The following GRIK4 variants were observed in gnomAD, a reference collection of about 807,000 sequenced individuals.
GRIK4 encodes the protein glutamate receptor ionotropic, kainate 4.
In GRIK4, 40 loss-of-function variants were observed where a neutral mutation model predicts 104.9. The observed-to-expected ratio is 0.38, with a 90% CI of 0.30 to 0.50. GRIK4 has a LOEUF of 0.50. Ranked by LOEUF, GRIK4 falls within the 20% of genes least tolerant of loss-of-function variation. GRIK4 has a pLI of 0.93. For missense variants in GRIK4, 1,047 were observed against 1,308.1 expected, an observed-to-expected ratio of 0.80 and a Z score of 3.08; for synonymous variants, 485 against 524.9, an observed-to-expected ratio of 0.92 and a Z score of 1.04.
chr11:120,889,999 A>G (rs970401456), intron 11 of GRIK4, among the ~76,000 whole-genome samples: 10 of 152,126 alleles, frequency 6.6e-5, no homozygotes, highest in African/African-American at 1.9e-4. Context: ...AGCTATTTTT[A>G]TCTTATAGGT....
chr11:120,653,208 T>C (rs1161369802), intron 1 of GRIK4, among the ~76,000 whole-genome samples: 1 of 152,254 alleles, frequency 6.6e-6, no homozygotes, highest in African/African-American at 2.4e-5. Flanking sequence ...ATGGGGCTTG[T>C]ATTCAAAGTA....
intron 19 of GRIK4, among the ~76,000 whole-genome samples, chr11:120,981,270 A>G (rs533376552): frequency 6.6e-6 from 1 of 152,358 alleles, no homozygotes. Context: ...ATCATATCCT[A>G]TAAGTATTTA....
At chr11:120,641,096 T>G (rs1182990976) in intron 1 of GRIK4, among the ~76,000 whole-genome samples, 1 of 152,270 alleles carries the variant, frequency 6.6e-6, no homozygotes, top group African/African-American at 2.4e-5. Flanking sequence ...CATAGCCACT[T>G]TGCCATATCT....
At chr11:120,789,710 A>G (rs1373355699) in intron 3 of GRIK4, among the ~76,000 whole-genome samples, 1 of 151,842 alleles carries the variant, frequency 6.6e-6, no homozygotes, top group African/African-American at 2.4e-5. Flanking sequence ...TTTTCCTCCC[A>G]TCTGCCTTCC....
intron 3 of GRIK4, among the ~76,000 whole-genome samples, chr11:120,751,253 G>A (rs1372529305): frequency 3.3e-5 from 5 of 152,046 alleles, no homozygotes; most frequent in African/African-American, 9.7e-5. Context: ...TGGGAAGCAC[G>A]TGGCAAGGAA....
intron 1 of GRIK4, among the ~76,000 whole-genome samples, chr11:120,571,772 C>A (rs115320628): frequency 0.018 from 2,775 of 152,146 alleles, 88 homozygotes; most frequent in African/African-American, 0.062. Flanking sequence ...ATGTCTAGGG[C>A]CTGGGTTGCC....
intron 8 of GRIK4, among the ~76,000 whole-genome samples, chr11:120,848,246 A>G (rs888820198): frequency 6.6e-6 from 1 of 152,196 alleles, no homozygotes; most frequent in Non-Finnish European, 1.5e-5. Flanking sequence ...CTACATCCAG[A>G]GCTCCAGGAG....
chr11:120,871,807 A>G, intron 9 of GRIK4: 1 of 456,106 alleles, frequency 2.2e-6, no homozygotes, highest in Non-Finnish European at 4.4e-6. Context: ...AGAGGGAGGG[A>G]GAGAGAGAGG....
At position 120,819,362 on chromosome 11, in the gene GRIK4, G is replaced by A. The variant is rs562411974; in HGVS notation, c.346-393G>A. On this transcript the variant is annotated intron_variant, in intron 5 of 20. Transcript: ENST00000527524. This position sits in a 1 kb window ranked among gnomAD's most constrained non-coding sequence, Gnocchi z 4.3. ...CTCTTTCTGCCGTCTCTGCTCTGAT[G>A]TATTAACTACAAATAAAATATTCTA... 6.6e-6 allele frequency among the ~76,000 whole-genome samples: 1 copy of A among 152,172 alleles called. No homozygotes were observed. The highest frequency in any genetic ancestry group is 2.1e-4 in the South Asian group (1 of 4,824).
intron 3 of GRIK4, among the ~76,000 whole-genome samples, chr11:120,678,781 G>A (rs569445658): frequency 1.2e-4 from 18 of 152,050 alleles, no homozygotes; most frequent in Admixed American, 1.0e-3. Context: ...TTACAGGTAC[G>A]TGCCACCACA....
At chr11:120,861,840 A>G (rs1175973719) in intron 8 of GRIK4, 119 bp from the exon 9 acceptor site, 1 of 774,584 alleles carries the variant, frequency 1.3e-6, no homozygotes. Context: ...CTAGGTCCCA[A>G]CAGAGTGTCT....
chr11:120,927,837 A>G, intron 13 of GRIK4, among the ~76,000 whole-genome samples: 1 of 152,134 alleles, frequency 6.6e-6, no homozygotes. Context: ...CTGAATTTCT[A>G]TGTAGTCATT....
intron 3 of GRIK4, among the ~76,000 whole-genome samples, chr11:120,710,896 T>G (rs1181930315): frequency 6.6e-6 from 1 of 152,026 alleles, no homozygotes; most frequent in Non-Finnish European, 1.5e-5. Context: ...GTAAATAAAT[T>G]AACTGGGAGT....
intron 1 of GRIK4, among the ~76,000 whole-genome samples, chr11:120,638,971 C>T (rs1949434667): frequency 6.6e-6 from 1 of 151,936 alleles, no homozygotes; most frequent in African/African-American, 2.4e-5. Flanking sequence ...CCAAGGCGGG[C>T]TGATCACCTG....
At chr11:120,639,529 C>T (rs1370145347) in intron 1 of GRIK4, among the ~76,000 whole-genome samples, 1 of 152,172 alleles carries the variant, frequency 6.6e-6, no homozygotes, top group African/African-American at 2.4e-5. Flanking sequence ...TTGGGGTCGG[C>T]CCCTGTCTCA....
intron 3 of GRIK4, among the ~76,000 whole-genome samples, chr11:120,768,539 T>A (rs1951880186): frequency 6.6e-6 from 1 of 152,202 alleles, no homozygotes. Flanking sequence ...TTATTTTTTC[T>A]TATCTGATTG....
At chr11:120,957,623 G>A (rs904839083) in intron 16 of GRIK4, among the ~76,000 whole-genome samples, 3 of 138,656 alleles carry the variant, frequency 2.2e-5, no homozygotes, top group African/African-American at 7.6e-5. Flanking sequence ...GTGTGTGTGT[G>A]TGTAGCCTAG....
At chr11:120,778,685 A>T (rs1168480052) in intron 3 of GRIK4, among the ~76,000 whole-genome samples, 2 of 152,236 alleles carry the variant, frequency 1.3e-5, no homozygotes, top group Admixed American at 6.5e-5. Flanking sequence ...CCACCAAATG[A>T]CTAATTCTGA....
intron 1 of GRIK4, among the ~76,000 whole-genome samples, chr11:120,610,988 C>T (rs746247209): frequency 5.3e-5 from 8 of 152,282 alleles, no homozygotes; most frequent in Non-Finnish European, 1.0e-4. Flanking sequence ...AAAGAACGTC[C>T]GGCCCATGTC....
Sources: allele counts gnomAD v4.1 joint callset (sites outside exome capture counted in the v4.1 genomes callset), GRCh38; gene constraint gnomAD v4.1.1; non-coding constraint Gnocchi (gnomAD v3.1); transcripts MANE v1.5; gene names NCBI Gene and HGNC (gene_info 2026-07-23, HGNC 2026-07-21).